Variants in SBF2 observed in about 807,000 individuals in gnomAD.
The protein encoded by SBF2 is myotubularin-related protein 13.
In SBF2, 112 loss-of-function variants were observed where a neutral mutation model predicts 225.2. The ratio of observed to expected loss-of-function variants is 0.50; its 90% CI spans 0.43 to 0.58. The LOEUF is 0.58. Among genes scored for constraint, SBF2 ranks in the 20% least tolerant of loss-of-function variants. SBF2 has a pLI of 0.00. For synonymous variants in SBF2, 763 were observed against 773.3 expected, an observed-to-expected ratio of 0.99 and a Z score of 0.22; for missense variants, 1,996 against 2,206.2, an observed-to-expected ratio of 0.90 and a Z score of 1.91.
intron 1 of SBF2, among the ~76,000 whole-genome samples, chr11:10,229,901 T>A (rs537495190): frequency 6.6e-6 from 1 of 152,226 alleles, no homozygotes; most frequent in African/African-American, 2.4e-5. Flanking sequence ...CTGTCTAATG[T>A]TGACAGTGGG....
intron 2 of SBF2, among the ~76,000 whole-genome samples, chr11:10,132,768 G>C (rs1265055890): frequency 6.7e-6 from 1 of 148,964 alleles, no homozygotes; most frequent in African/African-American, 2.5e-5. Flanking sequence ...CTTTTGTTCT[G>C]TTATCTGGCC....
At chr11:10,218,999 G>T (rs1227828416) in intron 1 of SBF2, among the ~76,000 whole-genome samples, 1 of 152,128 alleles carries the variant, frequency 6.6e-6, no homozygotes, top group Non-Finnish European at 1.5e-5. Flanking sequence ...GCTGTCAGTG[G>T]ATCTACCATT....
At chr11:10,262,953 A>G (rs992364824) in intron 1 of SBF2, among the ~76,000 whole-genome samples, 2 of 136,752 alleles carry the variant, frequency 1.5e-5, no homozygotes, top group African/African-American at 2.5e-5. Flanking sequence ...ATATAAGACG[A>G]AAAAAAAACT....
chr11:9,865,895 A>G (rs1335229591), intron 17 of SBF2, among the ~76,000 whole-genome samples: 1 of 152,062 alleles, frequency 6.6e-6, no homozygotes, highest in East Asian at 1.9e-4. Context: ...GTATGAATAT[A>G]CAGCATTTTC....
intron 1 of SBF2, among the ~76,000 whole-genome samples, chr11:10,225,555 G>C (rs2135417582): frequency 6.6e-6 from 1 of 152,156 alleles, no homozygotes; most frequent in African/African-American, 2.4e-5. Context: ...TTCCTAATAA[G>C]TGATCCATTT....
intron 2 of SBF2, among the ~76,000 whole-genome samples, chr11:10,183,774 C>CA (rs1045950256): frequency 1.4e-4 from 22 of 151,732 alleles, no homozygotes; most frequent in African/African-American, 4.1e-4. Flanking sequence ...GCTAAAAACA[C>CA]AAAAAACAAA....
In SBF2 at chr11:10,279,200, T is replaced by C. The variant is rs1012916331; in HGVS notation, c.55+14815A>G. ...GCTGAAGTGGGTGGATCACCTGATG[T>C]CAGGAGTTTAAGACCAACCTGGCCA... On this transcript the variant is annotated intron_variant, in intron 1 of 39. Coordinates refer to ENST00000256190, the MANE Select transcript of SBF2 (RefSeq NM_030962.4). 2.9e-4 allele frequency among the ~76,000 whole-genome samples: 43 copies of C among 150,400 alleles called. 1 individual carries two copies. Among genetic ancestry groups the C allele is most frequent in the Non-Finnish European group, 5.3e-4 (36 of 67,764 alleles).
At chr11:9,820,444 G>A (rs1225203146) in intron 28 of SBF2, among the ~76,000 whole-genome samples, 7 of 152,192 alleles carry the variant, frequency 4.6e-5, no homozygotes, top group Non-Finnish European at 1.0e-4. Flanking sequence ...GGCCTCCTCT[G>A]TGTTGGCTGA....
intron 16 of SBF2, among the ~76,000 whole-genome samples, chr11:9,927,535 G>C (rs973084697): frequency 6.6e-6 from 1 of 152,100 alleles, no homozygotes; most frequent in Non-Finnish European, 1.5e-5. Flanking sequence ...GTCTGGGCAA[G>C]ATAGCAAGTC....
chr11:10,060,415 G>C lies in SBF2; in HGVS notation c.142-17434C>G, dbSNP rs533538973. Among the ~76,000 whole-genome samples the C allele has an allele frequency of 1.8e-4, 28 of 152,256 alleles. No homozygotes were observed. The East Asian group carries it at 1.9e-3, about 10-fold the overall frequency. ...AGCCTACCAACCAAAGAAAAGCCCA[G>C]GAACTGACGGATTCACAGCTGAATT... On this transcript the variant is annotated intron_variant, in intron 2 of 39. Coordinates refer to ENST00000256190, the MANE Select transcript of SBF2 (RefSeq NM_030962.4).
intron 1 of SBF2, among the ~76,000 whole-genome samples, chr11:10,214,322 G>C (rs1958047736): frequency 6.6e-6 from 1 of 152,130 alleles, no homozygotes; most frequent in Non-Finnish European, 1.5e-5. Context: ...ACTCTACAGT[G>C]GAGTTAAAAA....
At chr11:10,036,564 G>T (rs1047144823) in intron 3 of SBF2, among the ~76,000 whole-genome samples, 1 of 152,046 alleles carries the variant, frequency 6.6e-6, no homozygotes, top group African/African-American at 2.4e-5. Context: ...TAATACAGTA[G>T]TGGAAGATAT....
At chr11:10,067,891 C>T (rs749020498) in intron 2 of SBF2, among the ~76,000 whole-genome samples, 6 of 151,796 alleles carry the variant, frequency 4.0e-5, no homozygotes, top group East Asian at 1.9e-4. Flanking sequence ...ACCCCTCCCC[C>T]GAATAAAAAA....
intron 1 of SBF2, among the ~76,000 whole-genome samples, chr11:10,225,071 A>G (rs1437617132): frequency 1.3e-5 from 2 of 152,194 alleles, no homozygotes; most frequent in Non-Finnish European, 2.9e-5. Flanking sequence ...TAATTTAACA[A>G]ATAAAAGCTC....
At chr11:9,882,541 G>C (rs1295465169) in intron 17 of SBF2, among the ~76,000 whole-genome samples, 1 of 152,110 alleles carries the variant, frequency 6.6e-6, no homozygotes, top group South Asian at 2.1e-4. Context: ...GGGCATGGTG[G>C]CTCATGTCTG....
At chr11:9,977,092 T>C (rs1028283098) in intron 13 of SBF2, among the ~76,000 whole-genome samples, 1 of 152,164 alleles carries the variant, frequency 6.6e-6, no homozygotes, top group Non-Finnish European at 1.5e-5. Context: ...GTAGAAGTTT[T>C]ATGAAGTTCT....
intron 6 of SBF2, among the ~76,000 whole-genome samples, chr11:10,022,557 C>G (rs7130610): frequency 0.26 from 39,528 of 151,762 alleles, 5,259 homozygotes; most frequent in Middle Eastern, 0.32. Context: ...AGAGAACTTT[C>G]CCAGCAAAAG....
intron 16 of SBF2, among the ~76,000 whole-genome samples, chr11:9,914,992 T>A (rs1416154570): frequency 2.0e-5 from 3 of 151,998 alleles, no homozygotes. Flanking sequence ...AACTAAAAAC[T>A]GTTTTAAAAA....
At position 9,963,806 on chromosome 11, in the gene SBF2, G is replaced by C. The variant is rs1316528242; in HGVS notation, c.1677C>G (p.Phe559Leu). Residue 559 changes from phenylalanine to leucine, a missense_variant, in exon 15 of 40, where the codon TTC becomes TTG. Phe to Leu is a conservative substitution (Grantham distance 22). Coordinates refer to ENST00000256190, the MANE Select transcript of SBF2 (RefSeq NM_030962.4). ...RLEVVRNCIS[F>L]IFENKILETE... ...TTTCCAAAATTTTATTTTCAAATAT[G>C]AATGAGATACAGTTTCTGACAACTT... The C allele has an allele frequency of 6.2e-7, 1 of 1,602,392 alleles. No individual in the cohort carries two copies. Among genetic ancestry groups the C allele is most frequent in the Admixed American group, 1.7e-5 (1 of 59,816 alleles).
Sources: gnomAD v4.1 joint callset for allele counts (sites outside exome capture counted in the v4.1 genomes callset) on GRCh38, gnomAD v4.1.1 for gene constraint, MANE v1.5 for transcripts, NCBI Gene and HGNC (gene_info 2026-07-23, HGNC 2026-07-21) for gene names.